Variants in FHIT observed in about 807,000 individuals in gnomAD.
FHIT encodes bis(5'-adenosyl)-triphosphatase.
A neutral mutation model predicts 17.9 loss-of-function variants in FHIT; 19 were observed. That is an observed-to-expected ratio of 1.06 (90% CI 0.74 to 1.56). The LOEUF (loss-of-function observed/expected upper bound fraction) is 1.56, where lower values mean the gene tolerates loss of function less well. Among genes scored for constraint, FHIT ranks in the 40% most tolerant of loss-of-function variants. The probability of loss-of-function intolerance (pLI) is 0.00; values close to 1 mark genes in which losing one functional copy is unlikely to be tolerated. For synonymous variants in FHIT, 81 were observed against 69.7 expected, an observed-to-expected ratio of 1.16 and a Z score of -0.81; for missense variants, 248 against 189.2, an observed-to-expected ratio of 1.31 and a Z score of -1.82.
At chr3:61,136,175 C>T (rs1184242347) in intron 2 of FHIT, among the ~76,000 whole-genome samples, 2 of 152,054 alleles carry the variant, frequency 1.3e-5, no homozygotes, top group Non-Finnish European at 1.5e-5. Context: ...TTGGATTAGC[C>T]TCAGGGAGGC....
At chr3:60,196,702 C>T (rs1559718611) in intron 5 of FHIT, among the ~76,000 whole-genome samples, 1 of 151,916 alleles carries the variant, frequency 6.6e-6, no homozygotes, top group Admixed American at 6.6e-5. Flanking sequence ...TACATATAAA[C>T]ATATATACAG....
chr3:59,765,619 C>T (rs73094585), intron 8 of FHIT, among the ~76,000 whole-genome samples: 4,688 of 152,276 alleles, frequency 0.031, 106 homozygotes, highest in Non-Finnish European at 0.052. Flanking sequence ...GATATGGACT[C>T]CCAGGATTGC....
At chr3:60,122,699 T>G (rs1349686904) in intron 5 of FHIT, among the ~76,000 whole-genome samples, 1 of 151,754 alleles carries the variant, frequency 6.6e-6, no homozygotes, top group Non-Finnish European at 1.5e-5. Flanking sequence ...CTGGGGAGAG[T>G]TTGGAATGTT....
chr3:60,302,211 T>C (rs1240424922), intron 5 of FHIT, among the ~76,000 whole-genome samples: 1 of 152,134 alleles, frequency 6.6e-6, no homozygotes, highest in Non-Finnish European at 1.5e-5. Flanking sequence ...AATTTTTATC[T>C]CTAAGAGTTC....
chr3:61,088,702 C>G (rs377377670), intron 2 of FHIT, among the ~76,000 whole-genome samples: 1 of 152,228 alleles, frequency 6.6e-6, no homozygotes, highest in East Asian at 1.9e-4. Flanking sequence ...CAAAATGGGA[C>G]TACTATCTTT....
At chr3:60,215,711 A>G (rs2107525080) in intron 5 of FHIT, among the ~76,000 whole-genome samples, 1 of 152,332 alleles carries the variant, frequency 6.6e-6, no homozygotes, top group East Asian at 1.9e-4. Flanking sequence ...AGCTTTAGCA[A>G]TCACCTTGGT....
At chr3:61,077,094 C>G (rs2034994240) in intron 2 of FHIT, among the ~76,000 whole-genome samples, 1 of 152,042 alleles carries the variant, frequency 6.6e-6, no homozygotes, top group African/African-American at 2.4e-5. Flanking sequence ...TGCCACATAC[C>G]TGAAACACAA....
intron 5 of FHIT, among the ~76,000 whole-genome samples, chr3:60,386,752 A>G (rs1701026385): frequency 6.6e-6 from 1 of 151,876 alleles, no homozygotes; most frequent in South Asian, 2.1e-4. Flanking sequence ...ACCAACCTAC[A>G]CTCTCATTTG....
chr3:61,069,633 A>C (rs2034734279), intron 2 of FHIT, among the ~76,000 whole-genome samples: 1 of 152,220 alleles, frequency 6.6e-6, no homozygotes, highest in South Asian at 2.1e-4. Context: ...GATAATCTAG[A>C]GTGGCAGGCA....
At chr3:59,802,348 T>C (rs564589205) in intron 8 of FHIT, among the ~76,000 whole-genome samples, 1 of 152,322 alleles carries the variant, frequency 6.6e-6, no homozygotes, top group South Asian at 2.1e-4. Context: ...TAATTCATTG[T>C]TGTCAGGCCT....
intron 5 of FHIT, among the ~76,000 whole-genome samples, chr3:60,479,978 ATGTTG>A: frequency 6.6e-6 from 1 of 152,180 alleles, no homozygotes; most frequent in Non-Finnish European, 1.5e-5. Flanking sequence ...ATACTGGTTG[ATGTTG>A]TATTAGTCCA....
At chr3:60,203,327 T>C (rs75015745) in intron 5 of FHIT, among the ~76,000 whole-genome samples, 1 of 152,320 alleles carries the variant, frequency 6.6e-6, no homozygotes, top group African/African-American at 2.4e-5. Context: ...AGGAATAGTG[T>C]AATGACACGG....
At chr3:61,026,644 A>C (rs1364161270) in intron 3 of FHIT, among the ~76,000 whole-genome samples, 3 of 138,552 alleles carry the variant, frequency 2.2e-5, no homozygotes, top group African/African-American at 9.1e-5. Flanking sequence ...AAACATTATG[A>C]GACCTTTTTT....
chr3:59,813,618 A>T (rs934143972), intron 8 of FHIT, among the ~76,000 whole-genome samples: 11 of 152,224 alleles, frequency 7.2e-5, no homozygotes, highest in Non-Finnish European at 1.6e-4. Flanking sequence ...GAGGGTTGTC[A>T]AGAATTTAAC....
At chr3:60,096,557 T>TG (rs1367218985) in intron 5 of FHIT, among the ~76,000 whole-genome samples, 1 of 152,186 alleles carries the variant, frequency 6.6e-6, no homozygotes, top group Non-Finnish European at 1.5e-5. Context: ...GGGATTTCAC[T>TG]GGGGACTCAC....
intron 3 of FHIT, among the ~76,000 whole-genome samples, chr3:60,969,702 T>C (rs1048132413): frequency 6.6e-6 from 1 of 152,204 alleles, no homozygotes; most frequent in Non-Finnish European, 1.5e-5. Flanking sequence ...AACTCTATGG[T>C]TTAAAGCCTT....
intron 4 of FHIT, among the ~76,000 whole-genome samples, chr3:60,625,941 AT>A (rs1351322859): frequency 1.1e-4 from 17 of 152,330 alleles, no homozygotes; most frequent in African/African-American, 3.8e-4. Flanking sequence ...AAGGATCCAA[AT>A]TCATTCTTTT....
chr3:60,887,973 A>T (rs1705311621), intron 3 of FHIT, among the ~76,000 whole-genome samples: 2 of 152,214 alleles, frequency 1.3e-5, no homozygotes, highest in Non-Finnish European at 2.9e-5. Flanking sequence ...ACTCTGATCC[A>T]ATCTCCTTGA....
chr3:59,802,824 G>A (rs1331547307), intron 8 of FHIT, among the ~76,000 whole-genome samples: 3 of 152,200 alleles, frequency 2.0e-5, no homozygotes, highest in Non-Finnish European at 4.4e-5. Flanking sequence ...ATCCTAGGGA[G>A]AGAGAATGGT....
Sources: allele counts gnomAD v4.1 joint callset (sites outside exome capture counted in the v4.1 genomes callset), GRCh38; gene constraint gnomAD v4.1.1; transcripts MANE v1.5; gene names NCBI Gene and HGNC (gene_info 2026-07-23, HGNC 2026-07-21).